PTPRD: variants seen among roughly 807,000 people sequenced by gnomAD.
PTPRD encodes protein tyrosine phosphatase receptor type D.
PTPRD carries 34 observed loss-of-function variants against 214.5 expected under a neutral mutation model. That is an observed-to-expected ratio of 0.16 (90% CI 0.12 to 0.21). PTPRD has a LOEUF of 0.21. Among genes scored for constraint, PTPRD ranks in the 10% least tolerant of loss-of-function variants. The pLI is 1.00. For synonymous variants in PTPRD, 1,128 were observed against 845.7 expected, an observed-to-expected ratio of 1.33 and a Z score of -5.79; for missense variants, 2,545 against 2,398.7, an observed-to-expected ratio of 1.06 and a Z score of -1.27.
intron 44 of PTPRD, among the ~76,000 whole-genome samples, chr9:8,320,719 T>G (rs538410428): frequency 6.6e-6 from 1 of 150,882 alleles, no homozygotes; most frequent in Admixed American, 6.6e-5. Flanking sequence ...GATCAGCAAC[T>G]AAAACCACAT....
intron 3 of PTPRD, among the ~76,000 whole-genome samples, chr9:10,231,001 A>G (rs2154356052): frequency 6.6e-6 from 1 of 151,988 alleles, no homozygotes; most frequent in East Asian, 2.0e-4. Context: ...TATGAGGAGG[A>G]CTTGGGGCTG....
At chr9:9,906,423 T>C (rs2077583460) in intron 5 of PTPRD, among the ~76,000 whole-genome samples, 1 of 151,920 alleles carries the variant, frequency 6.6e-6, no homozygotes, top group East Asian at 1.9e-4. Flanking sequence ...TGCTTTTATC[T>C]TATCTTTTAC....
chr9:9,989,734 T>G (rs2154077365), intron 4 of PTPRD, among the ~76,000 whole-genome samples: 1 of 152,296 alleles, frequency 6.6e-6, no homozygotes, highest in African/African-American at 2.4e-5. Context: ...ATGGCAAAGC[T>G]AAAAGAGTGC....
chr9:9,023,325 T>A (rs2099575900), intron 10 of PTPRD, among the ~76,000 whole-genome samples: 1 of 152,110 alleles, frequency 6.6e-6, no homozygotes, highest in South Asian at 2.1e-4. Context: ...GAAATAAATA[T>A]CAACTCTTCA....
At chr9:8,513,071 T>G (rs2097713524) in intron 21 of PTPRD, among the ~76,000 whole-genome samples, 1 of 151,962 alleles carries the variant, frequency 6.6e-6, no homozygotes, top group Admixed American at 6.6e-5. Flanking sequence ...TGGCCATATA[T>G]TCCCCATATT....
chr9:9,410,338 T>G (rs193093341), intron 8 of PTPRD, among the ~76,000 whole-genome samples: 2 of 152,350 alleles, frequency 1.3e-5, no homozygotes, highest in East Asian at 3.9e-4. Context: ...AATGGAAATG[T>G]ATACCAAAAA....
intron 9 of PTPRD, among the ~76,000 whole-genome samples, chr9:9,223,847 A>T (rs1225661889): frequency 6.6e-6 from 1 of 152,012 alleles, no homozygotes; most frequent in Admixed American, 6.6e-5. Context: ...TTACATATTC[A>T]TTAGCTTTCC....
At chr9:9,382,153 T>C (rs1043203962) in intron 9 of PTPRD, among the ~76,000 whole-genome samples, 2 of 89,094 alleles carry the variant, frequency 2.2e-5, no homozygotes, top group East Asian at 5.6e-4. Context: ...GTAAATGGGA[T>C]TTTTTTTCTT....
chr9:8,689,200 A>T (rs1311011115), intron 12 of PTPRD, among the ~76,000 whole-genome samples: 2 of 152,226 alleles, frequency 1.3e-5, no homozygotes, highest in Non-Finnish European at 2.9e-5. Flanking sequence ...ATTGATACCA[A>T]TATCATTATT....
chr9:9,911,127 A>C (rs2079066306), intron 5 of PTPRD, among the ~76,000 whole-genome samples: 1 of 152,038 alleles, frequency 6.6e-6, no homozygotes, highest in East Asian at 1.9e-4. Flanking sequence ...GATAATATAC[A>C]TCAGCCCCAT....
Position 9,495,544 on chromosome 9 carries a change from T to C in PTPRD, c.-237+79188A>G, listed in dbSNP as rs1196902320. On this transcript the variant is annotated intron_variant, in intron 8 of 45. Coordinates refer to ENST00000381196, the MANE Select transcript of PTPRD (RefSeq NM_002839.4). ...CTCAGTCGGTAGAGGGAGAGACAGCTGGACCTCAGGGAGATGGCTGGACCT... is the reference window on the plus strand; with the variant it reads ...CTCAGTCGGTAGAGGGAGAGACAGCCGGACCTCAGGGAGATGGCTGGACCT... Among the ~76,000 whole-genome samples, 3 of 147,616 alleles carry C rather than the reference T, an allele frequency of 2.0e-5. No individual in the cohort carries two copies. The East Asian group carries it at 5.8e-4, about 29-fold the overall frequency.
chr9:9,909,795 G>A (rs10978079), intron 5 of PTPRD, among the ~76,000 whole-genome samples: 29,886 of 150,892 alleles, frequency 0.2, 3,195 homozygotes, highest in East Asian at 0.38. Flanking sequence ...TTTGTCATGA[G>A]CATGCACTAT....
At chr9:9,343,194 T>G (rs2047494993) in intron 9 of PTPRD, among the ~76,000 whole-genome samples, 1 of 152,204 alleles carries the variant, frequency 6.6e-6, no homozygotes. Context: ...TAAACATACT[T>G]GTGCTTGTGT....
intron 11 of PTPRD, among the ~76,000 whole-genome samples, chr9:8,986,268 C>T (rs2099344794): frequency 6.6e-6 from 1 of 151,944 alleles, no homozygotes. Context: ...TGGTTCATAT[C>T]CACACTTTGA....
chr9:8,767,109 T>C (rs1387520279), intron 11 of PTPRD, among the ~76,000 whole-genome samples: 2 of 152,026 alleles, frequency 1.3e-5, no homozygotes, highest in Non-Finnish European at 2.9e-5. Flanking sequence ...AGATAAAATA[T>C]TTCCCCACTT....
At chr9:8,860,856 A>C (rs2098089045) in intron 11 of PTPRD, 1 of 152,226 alleles carries the variant, frequency 6.6e-6, no homozygotes, top group South Asian at 2.1e-4. Context: ...GAACTCAGAC[A>C]TCATGATCCA....
intron 2 of PTPRD, among the ~76,000 whole-genome samples, chr9:10,483,560 G>C (rs2099113935): frequency 6.6e-6 from 1 of 151,614 alleles, no homozygotes; most frequent in African/African-American, 2.4e-5. Context: ...CATCCACAAG[G>C]AAACAAATTA....
chr9:10,229,507 G>A (rs2154354908), intron 3 of PTPRD, among the ~76,000 whole-genome samples: 1 of 152,178 alleles, frequency 6.6e-6, no homozygotes, highest in Middle Eastern at 3.4e-3. Flanking sequence ...AAACACCACG[G>A]AATACTATGC....
chr9:8,578,682 G>A (rs2092732378), intron 14 of PTPRD, among the ~76,000 whole-genome samples: 1 of 152,178 alleles, frequency 6.6e-6, no homozygotes, highest in Admixed American at 6.5e-5. Flanking sequence ...ATGGCAAAGT[G>A]TTTGAAATCA....
Sources: allele counts gnomAD v4.1 joint callset (sites outside exome capture counted in the v4.1 genomes callset), GRCh38; gene constraint gnomAD v4.1.1; transcripts MANE v1.5; gene names NCBI Gene and HGNC (gene_info 2026-07-23, HGNC 2026-07-21).